RUNX1: variants seen among roughly 807,000 people sequenced by gnomAD.
The protein encoded by RUNX1 is runt-related transcription factor 1.
A neutral mutation model predicts 42.8 loss-of-function variants in RUNX1; 19 were observed. That is an observed-to-expected ratio of 0.44 (90% CI 0.31 to 0.65). The LOEUF (loss-of-function observed/expected upper bound fraction) is 0.65. Ranked by LOEUF, RUNX1 falls within the 30% of genes least tolerant of loss-of-function variation. The probability of loss-of-function intolerance (pLI) is 0.07; values close to 1 mark genes in which losing one functional copy is unlikely to be tolerated. For missense variants in RUNX1, 528 were observed against 672.0 expected (o/e 0.79, Z 2.37); for synonymous variants, 271 against 289.4 (o/e 0.94, Z 0.64).
chr21:35,015,719 G>A (rs2059154466), intron 2 of RUNX1, among the ~76,000 whole-genome samples: 1 of 152,208 alleles, frequency 6.6e-6, no homozygotes. Flanking sequence ...TCCAGGCCCT[G>A]GACTAGAAGA....
chr21:34,809,569 G>A lies in RUNX1; in HGVS notation c.806-10107C>T, dbSNP rs560150297. The stretch of plus-strand genomic sequence containing the variant: ...ACCTGATATCAAGAGGATTGTGCAC[G>A]CTTGATAGTCTATGCTTGGAAGGCC... On this transcript the variant is annotated intron_variant, in intron 7 of 8. Transcript: ENST00000675419. Among the ~76,000 whole-genome samples, 35 of 152,204 alleles carry A rather than the reference G, an allele frequency of 2.3e-4. No homozygotes were observed. The South Asian group carries it at 4.6e-3, about 20-fold the overall frequency.
At chr21:34,824,392 T>C (rs80045688) in intron 7 of RUNX1, among the ~76,000 whole-genome samples, 31 of 152,334 alleles carry the variant, frequency 2.0e-4, no homozygotes, top group African/African-American at 7.5e-4. Context: ...TTATTTTGCT[T>C]TATTTACTGT....
chr21:34,977,789 A>G (rs74524144), intron 2 of RUNX1, among the ~76,000 whole-genome samples: 3,476 of 152,310 alleles, frequency 0.023, 75 homozygotes, highest in African/African-American at 0.054. Context: ...AGCTGTCTCC[A>G]TCTTTCTTCC....
chr21:34,953,233 T>A (rs2058621500), intron 2 of RUNX1, among the ~76,000 whole-genome samples: 1 of 152,284 alleles, frequency 6.6e-6, no homozygotes, highest in Admixed American at 6.5e-5. Context: ...AAATTCTGTG[T>A]GATACCCAAT....
chr21:34,937,748 T>C (rs1418059826), intron 2 of RUNX1, among the ~76,000 whole-genome samples: 5 of 151,494 alleles, frequency 3.3e-5, no homozygotes, highest in Admixed American at 3.3e-4. Flanking sequence ...GTTGCCTGGG[T>C]GCAGGAAGAA....
chr21:35,026,335 TGGGGAAAGA>T (rs2059236276), intron 2 of RUNX1, among the ~76,000 whole-genome samples: 1 of 152,160 alleles, frequency 6.6e-6, no homozygotes, highest in Non-Finnish European at 1.5e-5. Context: ...AACAGGCAAA[TGGGGAAAGA>T]GGCTTTAATA....
intron 2 of RUNX1, among the ~76,000 whole-genome samples, chr21:34,949,315 T>C (rs2146661951): frequency 6.6e-6 from 1 of 152,332 alleles, no homozygotes; most frequent in East Asian, 1.9e-4. Flanking sequence ...AGAGTTTTAC[T>C]AATGGCAAGA....
At chr21:34,852,175 A>G (rs927907661) in intron 6 of RUNX1, among the ~76,000 whole-genome samples, 2 of 107,762 alleles carry the variant, frequency 1.9e-5, no homozygotes, top group South Asian at 7.4e-4. Flanking sequence ...CTCAAAAAAC[A>G]AAACAAAACA....
rs56138997 is a variant in RUNX1, at chr21:34,859,316, G to A, written c.613+158C>T. 0.018 allele frequency: 11,910 copies of A among 659,944 alleles called. 145 individuals carry two copies. The highest frequency in any genetic ancestry group is 0.044 in the Middle Eastern group (176 of 4,004). The allele number at this position is 659,944 out of a possible 1,614,324, so 40.9% of individuals were successfully genotyped here. On this transcript the variant is annotated intron_variant, in intron 6 of 8. Coordinates refer to ENST00000675419, the MANE Select transcript of RUNX1 (RefSeq NM_001754.5). ...TGCACAGAAACAAGCTTTGAGTAGC[G>A]AGAGTATTGACAATGCAACTTTTTG...
chr21:34,958,215 G>A (rs2058658621), intron 2 of RUNX1, among the ~76,000 whole-genome samples: 1 of 152,138 alleles, frequency 6.6e-6, no homozygotes, highest in South Asian at 2.1e-4. Context: ...GACACTGCCA[G>A]CGCCCAGCTG....
At chr21:34,978,551 T>C (rs1029757116) in intron 2 of RUNX1, among the ~76,000 whole-genome samples, 3 of 152,244 alleles carry the variant, frequency 2.0e-5, no homozygotes, top group Admixed American at 2.0e-4. Context: ...AAGATGTCAC[T>C]GGGAGACCAT....
chr21:34,816,924 GC>G (rs2056835183), intron 7 of RUNX1, among the ~76,000 whole-genome samples: 1 of 152,198 alleles, frequency 6.6e-6, no homozygotes, highest in Admixed American at 6.5e-5. Flanking sequence ...GGGAGGCATG[GC>G]TAGAGAAGGA....
chr21:34,923,981 T>G (rs754728957), intron 2 of RUNX1, among the ~76,000 whole-genome samples: 10 of 152,178 alleles, frequency 6.6e-5, no homozygotes, highest in Non-Finnish European at 1.2e-4. Context: ...TGTCCACATC[T>G]CCTGTCTTCC....
intron 2 of RUNX1, among the ~76,000 whole-genome samples, chr21:35,047,768 C>G (rs1321191725): frequency 2.0e-5 from 3 of 152,094 alleles, no homozygotes; most frequent in Non-Finnish European, 4.4e-5. Flanking sequence ...AGTTTGTAGC[C>G]AGAAAATTAA....
intron 6 of RUNX1, among the ~76,000 whole-genome samples, chr21:34,835,813 C>T (rs1196473353): frequency 6.6e-6 from 1 of 152,162 alleles, no homozygotes; most frequent in Non-Finnish European, 1.5e-5. Context: ...TTTCACATGC[C>T]CTGACCCAAT....
At chr21:34,986,095 C>T (rs954962625) in intron 2 of RUNX1, among the ~76,000 whole-genome samples, 7 of 152,094 alleles carry the variant, frequency 4.6e-5, no homozygotes, top group Non-Finnish European at 8.8e-5. Flanking sequence ...TGATCTCGAA[C>T]TCCTGGGCTC....
intron 2 of RUNX1, among the ~76,000 whole-genome samples, chr21:34,986,722 A>G (rs373544262): frequency 8.0e-4 from 122 of 152,088 alleles, no homozygotes; most frequent in African/African-American, 2.9e-3. Flanking sequence ...GGGAGTCACC[A>G]GATGCTGGGG....
At chr21:34,889,612 C>A in intron 3 of RUNX1, 1 of 1,040,968 alleles carries the variant, frequency 9.6e-7, no homozygotes, top group East Asian at 6.8e-5. Context: ...TCCGGCTCCC[C>A]GGAAGCGGCC....
intron 2 of RUNX1, among the ~76,000 whole-genome samples, chr21:34,912,805 T>C (rs555022637): frequency 1.3e-5 from 2 of 152,262 alleles, no homozygotes; most frequent in Admixed American, 1.3e-4. Context: ...AACAGATGAG[T>C]AGTGATTGGA....
Sources: allele counts gnomAD v4.1 joint callset (sites outside exome capture counted in the v4.1 genomes callset), GRCh38; gene constraint gnomAD v4.1.1; transcripts MANE v1.5; gene names NCBI Gene and HGNC (gene_info 2026-07-23, HGNC 2026-07-21).